SNRPD1: variants seen among roughly 807,000 people sequenced by gnomAD.
SNRPD1 encodes small nuclear ribonucleoprotein Sm D1.
A neutral mutation model predicts 14.4 loss-of-function variants in SNRPD1; 1 was observed. The ratio of observed to expected loss-of-function variants is 0.07; its 90% CI spans 0.02 to 0.33. The LOEUF (loss-of-function observed/expected upper bound fraction) is 0.33, where lower values mean the gene tolerates loss of function less well. SNRPD1 is among the 10% of genes least tolerant of loss of function. The pLI is 1.00. For synonymous variants in SNRPD1, 42 were observed against 50.3 expected (o/e 0.83, Z 0.70); for missense variants, 52 against 146.4 (o/e 0.36, Z 3.33).
At chr18:21,626,366 C>T (rs1168913348) in intron 3 of SNRPD1, among the ~76,000 whole-genome samples, 1 of 144,720 alleles carries the variant, frequency 6.9e-6, no homozygotes, top group East Asian at 2.0e-4. Flanking sequence ...TGCACTCCAG[C>T]CTGGGTGACA....
chr18:21,629,410 C>G lies in SNRPD1; in HGVS notation c.*272C>G, dbSNP rs1261249025. 2 of 311,294 alleles carry G rather than the reference C, an allele frequency of 6.4e-6. No homozygotes were observed. The highest frequency in any genetic ancestry group is 9.1e-5 in the Admixed American group (2 of 22,078). The allele number at this position is 311,294 out of a possible 1,614,324, so 19.3% of individuals were successfully genotyped here. On this transcript the variant is annotated 3_prime_UTR_variant, in exon 4 of 4. Coordinates refer to ENST00000300413, the MANE Select transcript of SNRPD1 (RefSeq NM_006938.4). Reference sequence around the variant, plus strand: ...ATGATGAATAAGGTTAAAATAAAAGCCTTAGACAAATTAAATTTGGCAGAG... The same window carrying G: ...ATGATGAATAAGGTTAAAATAAAAGGCTTAGACAAATTAAATTTGGCAGAG...
At chr18:21,625,544 G>T (rs1428743932) in intron 3 of SNRPD1, among the ~76,000 whole-genome samples, 8 of 151,846 alleles carry the variant, frequency 5.3e-5, no homozygotes, top group African/African-American at 1.9e-4. Context: ...TCATACCCCT[G>T]ACCTCAAGTG....
chr18:21,629,032 T>G (rs774433295), intron 3 of SNRPD1, 30 bp from the exon 4 acceptor site: 1 of 1,579,200 alleles, frequency 6.3e-7, no homozygotes. Flanking sequence ...AGGAGAGAAT[T>G]GAACTTGGTT....
intron 1 of SNRPD1, among the ~76,000 whole-genome samples, chr18:21,619,769 GACTCC>G (rs2038983998): frequency 6.6e-6 from 1 of 151,574 alleles, no homozygotes; most frequent in African/African-American, 2.4e-5. Flanking sequence ...GACAGAGCGA[GACTCC>G]GTCTCAAAAA....
chr18:21,627,434 GTTTTT>G (rs71178190), intron 3 of SNRPD1, among the ~76,000 whole-genome samples: 1 of 97,366 alleles, frequency 1.0e-5, no homozygotes, highest in African/African-American at 4.2e-5. Flanking sequence ...CTTTTCTTGG[GTTTTT>G]TTTTTTTTTT....
chr18:21,632,349 C>G lies in SNRPD1; in HGVS notation c.*3211C>G, dbSNP rs994418459. Reference sequence around the variant, plus strand: ...TGGCGGGTGCCTGTAATCTCAGTTACTCAGGAGGCTTAGGCAGGAGAATCA... The same window carrying G: ...TGGCGGGTGCCTGTAATCTCAGTTAGTCAGGAGGCTTAGGCAGGAGAATCA... On this transcript the variant is annotated 3_prime_UTR_variant, in exon 4 of 4. Transcript: ENST00000300413. 1.3e-5 allele frequency: 2 copies of G among 151,856 alleles called. No homozygotes were observed. The highest frequency in any genetic ancestry group is 6.6e-5 in the Admixed American group (1 of 15,206). 9.4% of individuals were successfully genotyped at this position (151,856 alleles called of 1,614,324 possible).
At chr18:21,627,419 A>G (rs1390504559) in intron 3 of SNRPD1, among the ~76,000 whole-genome samples, 1 of 115,490 alleles carries the variant, frequency 8.7e-6, no homozygotes, top group African/African-American at 3.3e-5. Flanking sequence ...TACCTGGTCC[A>G]TTTTCTTTTC....
At chr18:21,625,673 C>T (rs1327080057) in intron 3 of SNRPD1, among the ~76,000 whole-genome samples, 5 of 152,138 alleles carry the variant, frequency 3.3e-5, no homozygotes, top group African/African-American at 1.2e-4. Flanking sequence ...TGCAGTGGCG[C>T]GATCTCGGCT....
chr18:21,622,608 G>A, intron 1 of SNRPD1, 117 bp from the exon 2 acceptor site: 2 of 605,524 alleles, frequency 3.3e-6, no homozygotes, highest in Non-Finnish European at 6.0e-6. Context: ...ATTATTGATA[G>A]GAATTGATGC....
In SNRPD1 at chr18:21,629,087, A is replaced by G. The variant is rs773415895; in HGVS notation, c.309A>G (p.Gly103=). 2 of 1,613,798 alleles carry G rather than the reference A, an allele frequency of 1.2e-6. No individual in the cohort carries two copies. Among genetic ancestry groups the G allele is most frequent in the Non-Finnish European group, 1.7e-6 (2 of 1,179,850 alleles). The change falls in exon 4 of 4, where the codon GGA becomes GGG. Residue 103 remains glycine, a synonymous_variant. Coordinates refer to ENST00000300413, the MANE Select transcript of SNRPD1 (RefSeq NM_006938.4). ...TTGCAGGAAGAGGCAGAGGAAGAGG[A>G]AGAGGAAGAGGACGTGGCCGTGGCA... The part of the protein sequence containing the change: ...EAVAGRGRGR[G]RGRGRGRGRG...
intron 1 of SNRPD1, among the ~76,000 whole-genome samples, chr18:21,616,324 T>G (rs1170622332): frequency 6.6e-6 from 1 of 151,768 alleles, no homozygotes; most frequent in East Asian, 1.9e-4. Flanking sequence ...GGATACCAGT[T>G]CTTTGTCAGA....
intron 3 of SNRPD1, among the ~76,000 whole-genome samples, chr18:21,626,935 A>G (rs73427757): frequency 1.6e-3 from 247 of 150,838 alleles, no homozygotes; most frequent in African/African-American, 5.7e-3. Flanking sequence ...TTGGCCTCCC[A>G]AATGTTTGGA....
intron 3 of SNRPD1, among the ~76,000 whole-genome samples, chr18:21,627,221 G>A (rs1044955837): frequency 6.6e-6 from 1 of 151,820 alleles, no homozygotes; most frequent in African/African-American, 2.4e-5. Context: ...GTGAGCAGTT[G>A]TTTTCTTAAT....
At chr18:21,618,117 A>G (rs1014609772) in intron 1 of SNRPD1, among the ~76,000 whole-genome samples, 5 of 152,004 alleles carry the variant, frequency 3.3e-5, no homozygotes, top group Admixed American at 3.3e-4. Context: ...GCTACAATAT[A>G]TTCTTAGTAA....
chr18:21,616,025 A>G (rs1776668328), intron 1 of SNRPD1, among the ~76,000 whole-genome samples: 1 of 152,082 alleles, frequency 6.6e-6, no homozygotes, highest in Non-Finnish European at 1.5e-5. Context: ...TCACTCTGTC[A>G]CCCAGGCTGG....
rs148626436 is a variant in SNRPD1, at chr18:21,625,222, C to T, written c.283+1283C>T. On this transcript the variant is annotated intron_variant, in intron 3 of 3. Coordinates refer to ENST00000300413, the MANE Select transcript of SNRPD1 (RefSeq NM_006938.4). ...CCCCGCCTCATATCATCTTACTCCA[C>T]GCTTCTGAATCTTAGATTTTTCAGA... Among the ~76,000 whole-genome samples, 20 of 151,542 alleles carry T rather than the reference C, an allele frequency of 1.3e-4. No individual in the cohort carries two copies. In the East Asian group the frequency reaches 3.3e-3, roughly 25 times the overall value.
chr18:21,624,802 C>A (rs533907652), intron 3 of SNRPD1, among the ~76,000 whole-genome samples: 190 of 151,950 alleles, frequency 1.3e-3, no homozygotes, highest in Non-Finnish European at 1.9e-3. Flanking sequence ...TTTAAAAAAA[C>A]CCCCTGTGGG....
intron 1 of SNRPD1, 70 bp from the exon 2 acceptor site, chr18:21,622,655 T>C (rs1251196794): frequency 7.9e-6 from 6 of 756,508 alleles, no homozygotes; most frequent in Non-Finnish European, 1.4e-5. Flanking sequence ...TCGAGTTGTT[T>C]CACCCTTTCA....
chr18:21,626,872 A>G (rs941078752), intron 3 of SNRPD1, among the ~76,000 whole-genome samples: 3 of 150,894 alleles, frequency 2.0e-5, no homozygotes, highest in Admixed American at 6.6e-5. Flanking sequence ...GTGAAGTGGC[A>G]TGATCATAGC....
Sources: gnomAD v4.1 joint callset for allele counts (sites outside exome capture counted in the v4.1 genomes callset) on GRCh38, gnomAD v4.1.1 for gene constraint, MANE v1.5 for transcripts, NCBI Gene and HGNC (gene_info 2026-07-23, HGNC 2026-07-21) for gene names.